Variants in ZCCHC7 observed in about 807,000 individuals in gnomAD.
The protein encoded by ZCCHC7 is zinc finger CCHC-type containing 7, also known as zinc finger CCHC domain-containing protein 7.
In ZCCHC7, 35 loss-of-function variants were observed where a neutral mutation model predicts 52.0. The ratio of observed to expected loss-of-function variants is 0.67; its 90% CI spans 0.51 to 0.89. ZCCHC7 has a LOEUF of 0.89. ZCCHC7 is among the 40% of genes least tolerant of loss of function. The pLI is 0.00. For missense variants in ZCCHC7, 574 were observed against 649.1 expected, an observed-to-expected ratio of 0.88 and a Z score of 1.26; for synonymous variants, 217 against 221.5, an observed-to-expected ratio of 0.98 and a Z score of 0.18.
intron 2 of ZCCHC7, among the ~76,000 whole-genome samples, chr9:37,156,944 A>G (rs1332781890): frequency 1.3e-5 from 2 of 152,276 alleles, no homozygotes; most frequent in East Asian, 3.9e-4. Flanking sequence ...AGTTGGTAGC[A>G]TAGTACAGTG....
At chr9:37,330,649 T>C (rs1830417235) in intron 6 of ZCCHC7, among the ~76,000 whole-genome samples, 1 of 151,772 alleles carries the variant, frequency 6.6e-6, no homozygotes, top group South Asian at 2.1e-4. Context: ...AAATGTTTAA[T>C]AATATAGCTA....
At chr9:37,190,617 C>T (rs1397507296) in intron 2 of ZCCHC7, among the ~76,000 whole-genome samples, 1 of 152,168 alleles carries the variant, frequency 6.6e-6, no homozygotes, top group Non-Finnish European at 1.5e-5. Context: ...ATTGGAACTC[C>T]TGGTATATTT....
At position 37,211,678 on chromosome 9, in the gene ZCCHC7, C is replaced by A. The variant is rs577130313; in HGVS notation, c.610+84736C>A. On this transcript the variant is annotated intron_variant, in intron 2 of 8. Transcript: ENST00000336755. ...AGAATATTAATATGGAAATGTTGCT[C>A]AGCAGTCTGCAAAGGACTGTTGCTA... Among the ~76,000 whole-genome samples the A allele has an allele frequency of 5.3e-4, 81 of 152,010 alleles. 1 individual carries two copies. Among genetic ancestry groups the A allele is most frequent in the Non-Finnish European group, 7.8e-4 (53 of 67,990 alleles).
chr9:37,159,879 T>A (rs1821002873), intron 2 of ZCCHC7, among the ~76,000 whole-genome samples: 1 of 152,218 alleles, frequency 6.6e-6, no homozygotes. Context: ...TAGTGGTTAA[T>A]CAAGAGTAAC....
intron 2 of ZCCHC7, among the ~76,000 whole-genome samples, chr9:37,162,443 T>C (rs1300100563): frequency 6.6e-6 from 1 of 152,176 alleles, no homozygotes; most frequent in South Asian, 2.1e-4. Flanking sequence ...CATGAGAGAT[T>C]AGTTTTGCAC....
intron 6 of ZCCHC7, among the ~76,000 whole-genome samples, chr9:37,337,037 T>C (rs150538061): frequency 6.6e-6 from 1 of 152,288 alleles, no homozygotes; most frequent in African/African-American, 2.4e-5. Context: ...GAGAGGATTA[T>C]TTAACCTTTC....
chr9:37,247,150 A>C (rs1015841193), intron 2 of ZCCHC7, among the ~76,000 whole-genome samples: 1 of 152,170 alleles, frequency 6.6e-6, no homozygotes. Context: ...AATTTTTTAG[A>C]TAACGTATAT....
chr9:37,347,528 T>C (rs772194634), intron 6 of ZCCHC7, among the ~76,000 whole-genome samples: 2 of 152,218 alleles, frequency 1.3e-5, no homozygotes, highest in Non-Finnish European at 2.9e-5. Context: ...AAATTAGTTA[T>C]GTAATACACA....
intron 2 of ZCCHC7, among the ~76,000 whole-genome samples, chr9:37,246,642 C>T (rs1826092661): frequency 6.6e-6 from 1 of 152,074 alleles, no homozygotes; most frequent in African/African-American, 2.4e-5. Context: ...TCTAAATTGA[C>T]ATATTAAAAG....
chr9:37,222,780 T>C (rs1198318337), intron 2 of ZCCHC7, among the ~76,000 whole-genome samples: 1 of 152,068 alleles, frequency 6.6e-6, no homozygotes, highest in Non-Finnish European at 1.5e-5. Flanking sequence ...TAAAAGGGCT[T>C]TTAGTCTAAT....
In ZCCHC7 at chr9:37,327,821, A is replaced by C; in HGVS notation, c.974A>C (p.Gln325Pro). 1 of 1,613,206 alleles carries C rather than the reference A, an allele frequency of 6.2e-7. No individual in the cohort carries two copies. The highest frequency in any genetic ancestry group is 8.5e-7 in the Non-Finnish European group (1 of 1,179,332). The change falls in exon 6 of 9, where the codon CAG becomes CCG. Residue 325 changes from glutamine to proline, a missense_variant. Physicochemically the swap from Gln to Pro is moderately conservative, Grantham distance 76. Around this residue, in one of 3 missense-constraint regions of ZCCHC7, gnomAD observed 403 missense variants for 461.2 expected, o/e 0.87. Transcript: ENST00000336755. Reference sequence around the variant, plus strand: ...CAGGCTTGCACAGAAATCTGGAGGCAGTATCACCTAACGGTGAGTAGAAAC... The same window carrying C: ...CAGGCTTGCACAGAAATCTGGAGGCCGTATCACCTAACGGTGAGTAGAAAC... ...YTDACTEIWR[Q>P]YHLTTKPGPP...
chr9:37,211,453 C>A (rs1320186726), intron 2 of ZCCHC7, among the ~76,000 whole-genome samples: 1 of 152,028 alleles, frequency 6.6e-6, no homozygotes, highest in East Asian at 1.9e-4. Context: ...ATTTTTCTTC[C>A]ATCTTTATCA....
chr9:37,239,450 C>T (rs1018986652), intron 2 of ZCCHC7, among the ~76,000 whole-genome samples: 10 of 152,008 alleles, frequency 6.6e-5, no homozygotes, highest in Admixed American at 3.3e-4. Flanking sequence ...ATGTTCTAGT[C>T]CTTTGAGTTT....
chr9:37,262,856 C>T lies in ZCCHC7; in HGVS notation c.611-39332C>T, dbSNP rs542666639. Among the ~76,000 whole-genome samples, 22 of 152,236 alleles carry T rather than the reference C, an allele frequency of 1.4e-4. No individual in the cohort carries two copies. The South Asian group carries it at 2.9e-3, about 20-fold the overall frequency. ...GAGATTTTTGCCCCATTACTTCAGT[C>T]TTAATGGACAAATTTTGTGCCACCC... On this transcript the variant is annotated intron_variant, in intron 2 of 8. Transcript: ENST00000336755.
At chr9:37,266,283 G>T (rs1412950416) in intron 2 of ZCCHC7, among the ~76,000 whole-genome samples, 1 of 152,090 alleles carries the variant, frequency 6.6e-6, no homozygotes, top group African/African-American at 2.4e-5. Context: ...AAGAAATGAT[G>T]GTATGGCCAA....
intron 6 of ZCCHC7, among the ~76,000 whole-genome samples, chr9:37,331,211 A>T (rs1830436671): frequency 6.6e-6 from 1 of 151,580 alleles, no homozygotes; most frequent in Non-Finnish European, 1.5e-5. Context: ...CAAAAAATAG[A>T]CTATTTGTTA....
chr9:37,287,716 G>A (rs957991107), intron 2 of ZCCHC7, among the ~76,000 whole-genome samples: 3 of 151,954 alleles, frequency 2.0e-5, no homozygotes, highest in Non-Finnish European at 4.4e-5. Context: ...ATTTTATGTA[G>A]CTAGTCCTAA....
At chr9:37,256,022 A>C (rs1189668945) in intron 2 of ZCCHC7, among the ~76,000 whole-genome samples, 1 of 152,182 alleles carries the variant, frequency 6.6e-6, no homozygotes, top group East Asian at 1.9e-4. Context: ...GATCAACATT[A>C]GTAGGTGACG....
rs747008362 is a variant in ZCCHC7 at position 37,219,559 on chromosome 9, CTG to C, written c.611-82627_611-82626del. Among the ~76,000 whole-genome samples the C allele has an allele frequency of 1.8e-4, 27 of 152,284 alleles. No individual in the cohort carries two copies. In the East Asian group the frequency reaches 2.1e-3, roughly 12 times the overall value. The stretch of plus-strand genomic sequence containing the variant: ...GGGATTATGTTTAACCATTTAGCCT[CTG>C]TATTTCCTGGCACTCTTTTAAGAAT... On this transcript the variant is annotated intron_variant, in intron 2 of 8. Coordinates refer to ENST00000336755, the MANE Select transcript of ZCCHC7 (RefSeq NM_032226.3).
Sources: allele counts gnomAD v4.1 joint callset (sites outside exome capture counted in the v4.1 genomes callset), GRCh38; gene constraint gnomAD v4.1.1; regional missense constraint gnomAD v4.1.1; transcripts MANE v1.5; gene names NCBI Gene and HGNC (gene_info 2026-07-23, HGNC 2026-07-21).